Variants in EXT2 observed in about 807,000 individuals in gnomAD.
The protein encoded by EXT2 is exostosin-2.
A neutral mutation model predicts 81.6 loss-of-function variants in EXT2; 53 were observed. The observed-to-expected ratio is 0.65, with a 90% CI of 0.52 to 0.82. EXT2 has a LOEUF of 0.82. EXT2 is among the 40% of genes least tolerant of loss of function. EXT2 has a pLI of 0.00. For synonymous variants in EXT2, 320 were observed against 340.0 expected (o/e 0.94, Z 0.65); for missense variants, 774 against 910.2 (o/e 0.85, Z 1.93).
intron 10 of EXT2, among the ~76,000 whole-genome samples, chr11:44,225,787 C>T (rs1955832467): frequency 6.6e-6 from 1 of 152,156 alleles, no homozygotes; most frequent in Non-Finnish European, 1.5e-5. Context: ...CATGTCTCTC[C>T]AGGTCTCAGT....
intron 13 of EXT2, among the ~76,000 whole-genome samples, chr11:44,241,755 T>C (rs759400443): frequency 1.3e-5 from 2 of 152,226 alleles, no homozygotes; most frequent in Non-Finnish European, 1.5e-5. Context: ...GTTACTGACA[T>C]GGTAGCTGGA....
intron 13 of EXT2, among the ~76,000 whole-genome samples, chr11:44,243,216 C>A (rs1956056725): frequency 6.6e-6 from 1 of 152,168 alleles, no homozygotes; most frequent in South Asian, 2.1e-4. Flanking sequence ...ACTTCAAAAG[C>A]AGCTTTTCCA....
intron 8 of EXT2, 137 bp downstream of exon 8, chr11:44,171,879 C>T (rs1178148224): frequency 1.5e-6 from 2 of 1,306,444 alleles, no homozygotes; most frequent in Non-Finnish European, 1.1e-6. Context: ...ATACTTGGGG[C>T]CTGATAAGGG....
At chr11:44,171,863 CT>C in intron 8 of EXT2, 121 bp downstream of exon 8, 1 of 1,464,018 alleles carries the variant, frequency 6.8e-7, no homozygotes, top group African/African-American at 1.4e-5. Context: ...TGAGAGTGTG[CT>C]TTTTATACTT....
intron 13 of EXT2, among the ~76,000 whole-genome samples, chr11:44,237,601 T>C (rs1418470015): frequency 6.6e-6 from 1 of 152,092 alleles, no homozygotes; most frequent in African/African-American, 2.4e-5. Context: ...TTCATAACAG[T>C]AAGCTAAGTG....
chr11:44,098,496 G>A (rs922211662), intron 1 of EXT2, among the ~76,000 whole-genome samples: 2 of 151,848 alleles, frequency 1.3e-5, no homozygotes, highest in African/African-American at 2.4e-5. Flanking sequence ...AGTTCAAGAC[G>A]AGCCTGGCCA....
chr11:44,233,483 TG>T (rs1237873671), intron 11 of EXT2, among the ~76,000 whole-genome samples: 1 of 152,174 alleles, frequency 6.6e-6, no homozygotes, highest in Non-Finnish European at 1.5e-5. Context: ...AGGGAGAGAT[TG>T]GGGAATATGC....
intron 5 of EXT2, among the ~76,000 whole-genome samples, chr11:44,125,701 A>G (rs561966724): frequency 2.0e-4 from 30 of 151,830 alleles, no homozygotes; most frequent in African/African-American, 6.5e-4. Context: ...TTTAATCTCC[A>G]GAGAGCTTGC....
intron 6 of EXT2, among the ~76,000 whole-genome samples, chr11:44,127,414 G>A (rs758384373): frequency 1.3e-5 from 2 of 152,200 alleles, no homozygotes; most frequent in Non-Finnish European, 2.9e-5. Flanking sequence ...CAGATCAGTG[G>A]TGGCATTAAA....
chr11:44,243,448 A>G (rs755407868), intron 13 of EXT2, among the ~76,000 whole-genome samples: 2 of 152,154 alleles, frequency 1.3e-5, no homozygotes, highest in Non-Finnish European at 2.9e-5. Context: ...AAGTTCTGAC[A>G]TGGGAGTGAC....
intron 7 of EXT2, among the ~76,000 whole-genome samples, chr11:44,134,278 T>G (rs1266105774): frequency 6.6e-6 from 1 of 152,298 alleles, no homozygotes; most frequent in South Asian, 2.1e-4. Flanking sequence ...CCCTAATGTT[T>G]TTTGGTGGGG....
At position 44,244,815 on chromosome 11, in the gene EXT2, G is replaced by C. The variant is rs1804678; in HGVS notation, c.*528G>C. The stretch of plus-strand genomic sequence containing the variant: ...TGATAAATGCCTTGGGACCTGGAGT[G>C]CTGGGCTTGTGCACAGGAAGAGCAC... On this transcript the variant is annotated 3_prime_UTR_variant, in exon 14 of 14. Transcript: ENST00000533608. The C allele has an allele frequency of 4.0e-6, 1 of 247,368 alleles. No homozygotes were observed. Among genetic ancestry groups the C allele is most frequent in the South Asian group, 1.4e-4 (1 of 7,114 alleles). 15.3% of individuals were successfully genotyped at this position (247,368 alleles called of 1,614,324 possible).
At chr11:44,132,232 G>C (rs1954503678) in intron 7 of EXT2, among the ~76,000 whole-genome samples, 1 of 152,202 alleles carries the variant, frequency 6.6e-6, no homozygotes, top group Non-Finnish European at 1.5e-5. Context: ...GAATCATTTG[G>C]TTTTTGGAGT....
chr11:44,160,930 A>G (rs368236619), intron 7 of EXT2, among the ~76,000 whole-genome samples: 22 of 152,254 alleles, frequency 1.4e-4, no homozygotes, highest in East Asian at 5.8e-4. Context: ...TTATTTTCAC[A>G]TTTGTATCCT....
In EXT2 at chr11:44,247,815, C is replaced by A. The variant is rs964146121; in HGVS notation, c.*3528C>A. Among the ~76,000 whole-genome samples the A allele has an allele frequency of 1.3e-5, 2 of 152,204 alleles. No homozygotes were observed. The highest frequency in any genetic ancestry group is 2.9e-5 in the Non-Finnish European group (2 of 68,042). ...TCCTAGCTTCCTTCTAGGATGATAG[C>A]CTCTGACAGGCACCATGCCAGGAGG... On this transcript the variant is annotated 3_prime_UTR_variant, in exon 14 of 14. Transcript: ENST00000533608.
chr11:44,167,806 G>T (rs888341177), intron 7 of EXT2, among the ~76,000 whole-genome samples: 1 of 152,132 alleles, frequency 6.6e-6, no homozygotes, highest in African/African-American at 2.4e-5. Context: ...AAAAGAAGGA[G>T]ACTTTCTTTT....
At chr11:44,117,998 A>G (rs556058958) in intron 4 of EXT2, among the ~76,000 whole-genome samples, 2 of 152,176 alleles carry the variant, frequency 1.3e-5, no homozygotes, top group South Asian at 4.1e-4. Context: ...TTTCCTGACT[A>G]TTCAGGTCCT....
intron 10 of EXT2, among the ~76,000 whole-genome samples, chr11:44,229,781 AT>A (rs1001429448): frequency 3.3e-5 from 5 of 152,042 alleles, no homozygotes; most frequent in African/African-American, 9.7e-5. Context: ...TCTGGTAAAT[AT>A]TTTCTCTGAA....
chr11:44,138,065 G>A (rs1385512306), intron 7 of EXT2, among the ~76,000 whole-genome samples: 2 of 152,132 alleles, frequency 1.3e-5, no homozygotes, highest in Admixed American at 6.5e-5. Context: ...AGATAGAGAG[G>A]GTGAACATCA....
Sources: allele counts gnomAD v4.1 joint callset (sites outside exome capture counted in the v4.1 genomes callset), GRCh38; gene constraint gnomAD v4.1.1; transcripts MANE v1.5; gene names NCBI Gene and HGNC (gene_info 2026-07-23, HGNC 2026-07-21).